The following DNAAF9 variants were observed in gnomAD, a reference collection of about 807,000 sequenced individuals.
DNAAF9 encodes the protein dynein axonemal assembly factor 9.
In DNAAF9, 90 loss-of-function variants were observed where a neutral mutation model predicts 167.0. That is an observed-to-expected ratio of 0.54 (90% CI 0.45 to 0.64). The LOEUF is 0.64. Ranked by LOEUF, DNAAF9 falls within the 30% of genes least tolerant of loss-of-function variation. DNAAF9 has a pLI of 0.00. For synonymous variants in DNAAF9, 491 were observed against 508.8 expected (o/e 0.96, Z 0.47); for missense variants, 1,315 against 1,442.2 (o/e 0.91, Z 1.43).
At chr20:3,376,461 C>A (rs748013279) in intron 3 of DNAAF9, among the ~76,000 whole-genome samples, 159 bp from the exon 4 acceptor site, 1 of 152,120 alleles carries the variant, frequency 6.6e-6, no homozygotes, top group South Asian at 2.1e-4. Flanking sequence ...CCTTGTAAAC[C>A]AAAAAGTATC....
At chr20:3,336,311 A>G (rs2069949469) in intron 10 of DNAAF9, among the ~76,000 whole-genome samples, 1 of 55,580 alleles carries the variant, frequency 1.8e-5, no homozygotes. Flanking sequence ...TTATTTCTTC[A>G]TTTTTTAAGT....
chr20:3,320,922 C>A (rs2069603662), intron 16 of DNAAF9, among the ~76,000 whole-genome samples: 1 of 152,190 alleles, frequency 6.6e-6, no homozygotes, highest in African/African-American at 2.4e-5. Flanking sequence ...ACACCACAAA[C>A]AGAATCTTGG....
chr20:3,365,548 T>G (rs1002961278), intron 6 of DNAAF9, among the ~76,000 whole-genome samples: 6 of 152,060 alleles, frequency 3.9e-5, no homozygotes, highest in Non-Finnish European at 8.8e-5. Flanking sequence ...CATACCACCA[T>G]GCCCAGCTAA....
At chr20:3,325,144 T>C (rs964589876) in intron 13 of DNAAF9, among the ~76,000 whole-genome samples, 176 bp from the exon 14 acceptor site, 4 of 152,186 alleles carry the variant, frequency 2.6e-5, no homozygotes, top group Non-Finnish European at 5.9e-5. Context: ...AGTATCATGT[T>C]AAGGGAAAGA....
chr20:3,340,943 T>TA (rs2070072587), intron 9 of DNAAF9, among the ~76,000 whole-genome samples: 1 of 152,036 alleles, frequency 6.6e-6, no homozygotes, highest in Non-Finnish European at 1.5e-5. Flanking sequence ...GATACAGTGA[T>TA]AGAGCAAAAC....
At chr20:3,343,466 C>A (rs980261356) in intron 9 of DNAAF9, among the ~76,000 whole-genome samples, 3 of 152,076 alleles carry the variant, frequency 2.0e-5, no homozygotes, top group Admixed American at 2.0e-4. Flanking sequence ...GTTTCAAAAG[C>A]TAGTTTACTA....
chr20:3,399,697 G>A (rs2123301498), intron 1 of DNAAF9, among the ~76,000 whole-genome samples: 1 of 152,208 alleles, frequency 6.6e-6, no homozygotes, highest in Admixed American at 6.5e-5. Flanking sequence ...TGACAGACAT[G>A]ATGGCTGGAG....
chr20:3,270,697 C>T (rs1460626971), intron 29 of DNAAF9, 135 bp from the exon 30 acceptor site: 1 of 665,466 alleles, frequency 1.5e-6, no homozygotes, highest in African/African-American at 1.8e-5. Flanking sequence ...CCTTACACCC[C>T]AATACCAACA....
At chr20:3,299,150 G>A (rs190066944) in intron 21 of DNAAF9, among the ~76,000 whole-genome samples, 195 of 151,150 alleles carry the variant, frequency 1.3e-3, no homozygotes, top group African/African-American at 4.4e-3. Flanking sequence ...CTCATAATCC[G>A]CCCGCCTTGG....
intron 12 of DNAAF9, among the ~76,000 whole-genome samples, chr20:3,328,722 T>C (rs900982561): frequency 1.1e-4 from 16 of 152,242 alleles, no homozygotes; most frequent in African/African-American, 3.6e-4. Context: ...CGTGAGGAAA[T>C]GGTTGACTTG....
intron 30 of DNAAF9, 138 bp from the exon 31 acceptor site, chr20:3,264,662 C>T (rs557357916): frequency 8.0e-4 from 510 of 640,442 alleles, no homozygotes; most frequent in Non-Finnish European, 1.1e-3. Context: ...CTCCGCTTCC[C>T]GGGTTCAAGT....
rs565891667 is a variant in DNAAF9, at chr20:3,315,609, G to C, written c.1590+126C>G. 1.3e-6 allele frequency: 1 copy of C among 760,164 alleles called. No homozygotes were observed. Among genetic ancestry groups the C allele is most frequent in the Non-Finnish European group, 2.3e-6 (1 of 429,954 alleles). 47.1% of individuals were successfully genotyped at this position (760,164 alleles called of 1,614,324 possible). A position where few individuals can be genotyped will look rare whatever the true frequency, so the allele number is the denominator to read the frequency against. ...CTGGGAAGGGGAGGAATGCAAATAGGAAGTGAAGACAACATAGTGCAAGTC... is the reference window on the plus strand; with the variant it reads ...CTGGGAAGGGGAGGAATGCAAATAGCAAGTGAAGACAACATAGTGCAAGTC... On this transcript the variant is annotated intron_variant, in intron 19 of 36. Coordinates refer to ENST00000252032, the MANE Select transcript of DNAAF9 (RefSeq NM_001009984.3). This position sits in a 1 kb window ranked among gnomAD's most constrained non-coding sequence, Gnocchi z 4.1.
At chr20:3,296,795 T>A in intron 23 of DNAAF9, 66 bp downstream of exon 23, 1 of 990,044 alleles carries the variant, frequency 1.0e-6, no homozygotes, top group Non-Finnish European at 1.6e-6. Context: ...ATGCGAGGCA[T>A]CCTGCAGAGA....
rs142337232 is a variant in DNAAF9 at position 3,294,276 on chromosome 20, G to A, written c.2121-20C>T. The A allele has an allele frequency of 2.3e-4, 346 of 1,505,278 alleles. No individual in the cohort carries two copies. The African/African-American group carries it at 4.2e-3, about 18-fold the overall frequency. The allele number at this position is 1,505,278 out of a possible 1,614,324, so 93.2% of individuals were successfully genotyped here. A position where few individuals can be genotyped will look rare whatever the true frequency, so the allele number is the denominator to read the frequency against. On this transcript the variant is annotated intron_variant, in intron 24 of 36. Coordinates refer to ENST00000252032, the MANE Select transcript of DNAAF9 (RefSeq NM_001009984.3). ...AGAAACCTAAAAACACAAAGACAAT[G>A]CTATTATGTTACCATCCTAGCCTGT...
chr20:3,296,367 C>A, intron 23 of DNAAF9: 1 of 316,996 alleles, frequency 3.2e-6, no homozygotes, highest in Non-Finnish European at 6.2e-6. Flanking sequence ...TGGCTCCTGG[C>A]AGTGGGGACA....
intron 30 of DNAAF9, among the ~76,000 whole-genome samples, chr20:3,269,814 C>T (rs1028288203): frequency 4.6e-5 from 7 of 152,022 alleles, no homozygotes; most frequent in East Asian, 1.9e-4. Flanking sequence ...CAAAATTAGC[C>T]GGGCGTGGTG....
chr20:3,251,422 A>G lies in DNAAF9; in HGVS notation c.*1150T>C, dbSNP rs1245542318. 6 of 152,314 alleles carry G rather than the reference A, an allele frequency of 3.9e-5. No homozygotes were observed. The highest frequency in any genetic ancestry group is 1.4e-4 in the African/African-American group (6 of 41,558). 9.4% of individuals were successfully genotyped at this position (152,314 alleles called of 1,614,324 possible). A position where few individuals can be genotyped will look rare whatever the true frequency, so the allele number is the denominator to read the frequency against. On this transcript the variant is annotated 3_prime_UTR_variant, in exon 37 of 37. Coordinates refer to ENST00000252032, the MANE Select transcript of DNAAF9 (RefSeq NM_001009984.3). ...TGAAGTCCTAAGAGACATCACCTAA[A>G]TATCAGTGGCTGTGACTCCCCTGTC...
intron 5 of DNAAF9, among the ~76,000 whole-genome samples, 198 bp downstream of exon 5, chr20:3,374,832 G>A (rs969137417): frequency 1.3e-5 from 2 of 152,184 alleles, no homozygotes; most frequent in African/African-American, 4.8e-5. Flanking sequence ...GCAGCCTGCT[G>A]TGTTGCTGCA....
chr20:3,336,882 CTT>C (rs34461289), intron 10 of DNAAF9, among the ~76,000 whole-genome samples: 12 of 133,874 alleles, frequency 9.0e-5, no homozygotes, highest in African/African-American at 8.2e-5. Context: ...TTTCCTTTTT[CTT>C]TTTTTTTTTT....
Sources: allele counts gnomAD v4.1 joint callset (sites outside exome capture counted in the v4.1 genomes callset), GRCh38; gene constraint gnomAD v4.1.1; non-coding constraint Gnocchi (gnomAD v3.1); transcripts MANE v1.5; gene names NCBI Gene and HGNC (gene_info 2026-07-23, HGNC 2026-07-21).